SNTG1: variants seen among roughly 807,000 people sequenced by gnomAD.
SNTG1 encodes gamma-1-syntrophin.
A neutral mutation model predicts 74.7 loss-of-function variants in SNTG1; 39 were observed. The ratio of observed to expected loss-of-function variants is 0.52; its 90% CI spans 0.40 to 0.68. The LOEUF is 0.68. Ranked by LOEUF, SNTG1 falls within the 30% of genes least tolerant of loss-of-function variation. SNTG1 has a pLI of 0.00. For missense variants in SNTG1, 685 were observed against 609.5 expected, an observed-to-expected ratio of 1.12 and a Z score of -1.30; for synonymous variants, 254 against 217.1, an observed-to-expected ratio of 1.17 and a Z score of -1.49.
chr8:50,178,406 C>CGT (rs1563701317), intron 2 of SNTG1, among the ~76,000 whole-genome samples: 1 of 150,976 alleles, frequency 6.6e-6, no homozygotes, highest in Non-Finnish European at 1.5e-5. Flanking sequence ...CACACGTGCG[C>CGT]GCGCACACAC....
chr8:50,038,805 G>A (rs1039225178), intron 1 of SNTG1, among the ~76,000 whole-genome samples: 1 of 152,080 alleles, frequency 6.6e-6, no homozygotes, highest in African/African-American at 2.4e-5. Context: ...TCTTATAATA[G>A]TGAATGACAT....
intron 12 of SNTG1, among the ~76,000 whole-genome samples, chr8:50,570,560 AT>A (rs1193252291): frequency 1.5e-5 from 2 of 130,454 alleles, no homozygotes; most frequent in African/African-American, 5.8e-5. Context: ...GTCCAGCCTT[AT>A]TTTTTATTAT....
intron 2 of SNTG1, among the ~76,000 whole-genome samples, chr8:50,356,789 G>T (rs1295139044): frequency 6.6e-6 from 1 of 152,072 alleles, no homozygotes; most frequent in Non-Finnish European, 1.5e-5. Flanking sequence ...ATTTCAGAGG[G>T]TACCCATTCA....
At chr8:50,075,185 A>G (rs203935) in intron 1 of SNTG1, among the ~76,000 whole-genome samples, 94,578 of 152,108 alleles carry the variant, frequency 0.62, 29,741 homozygotes, top group East Asian at 0.84. Flanking sequence ...AGCCTCCCCA[A>G]TGGGAGCTGT....
chr8:50,077,949 G>T (rs1359510979), intron 1 of SNTG1, among the ~76,000 whole-genome samples: 1 of 152,056 alleles, frequency 6.6e-6, no homozygotes, highest in Non-Finnish European at 1.5e-5. Flanking sequence ...GCCTAAATGT[G>T]TGATGTGTGT....
At chr8:50,750,085 T>C (rs1417487987) in intron 17 of SNTG1, among the ~76,000 whole-genome samples, 2 of 152,038 alleles carry the variant, frequency 1.3e-5, no homozygotes, top group Admixed American at 1.3e-4. Flanking sequence ...ATATGATTCA[T>C]GGGAGGAGGT....
intron 2 of SNTG1, among the ~76,000 whole-genome samples, chr8:50,256,262 T>C (rs2086876855): frequency 6.6e-6 from 1 of 152,066 alleles, no homozygotes; most frequent in Non-Finnish European, 1.5e-5. Context: ...TAAAAGTGTA[T>C]ACCACATAGC....
intron 9 of SNTG1, among the ~76,000 whole-genome samples, chr8:50,503,376 C>T (rs1398353948): frequency 6.6e-6 from 1 of 152,098 alleles, no homozygotes; most frequent in Non-Finnish European, 1.5e-5. Context: ...TGTATATTAT[C>T]TAATGCTTTT....
rs563668957 is a variant in SNTG1 at position 50,353,623 on chromosome 8, C to A, written c.-27-40589C>A. 9.9e-5 allele frequency among the ~76,000 whole-genome samples: 15 copies of A among 152,246 alleles called. No individual in the cohort carries two copies. The South Asian group carries it at 2.7e-3, about 27-fold the overall frequency. ...TTTGCTCCATACAATTCATAAGTCACATACGTAATGAGCATTTATTTGAGC... is the reference window on the plus strand; with the variant it reads ...TTTGCTCCATACAATTCATAAGTCAAATACGTAATGAGCATTTATTTGAGC... On this transcript the variant is annotated intron_variant, in intron 2 of 18. Coordinates refer to ENST00000642720, the MANE Select transcript of SNTG1 (RefSeq NM_018967.5).
At chr8:50,557,986 G>A (rs1337114288) in intron 12 of SNTG1, among the ~76,000 whole-genome samples, 1 of 152,090 alleles carries the variant, frequency 6.6e-6, no homozygotes, top group Non-Finnish European at 1.5e-5. Context: ...TCACTCCTAA[G>A]TGGGAGTTCC....
chr8:50,002,243 C>T (rs1445533454), intron 1 of SNTG1, among the ~76,000 whole-genome samples: 1 of 152,154 alleles, frequency 6.6e-6, no homozygotes, highest in Non-Finnish European at 1.5e-5. Context: ...TCTTCAGATA[C>T]AGGACCTCGT....
intron 12 of SNTG1, among the ~76,000 whole-genome samples, chr8:50,573,329 T>G (rs2094559171): frequency 6.6e-6 from 1 of 152,058 alleles, no homozygotes; most frequent in African/African-American, 2.4e-5. Context: ...AAAACAAATG[T>G]GCACTTCTGT....
Position 49,987,434 on chromosome 8 carries a change from T to C in SNTG1, c.-103+75203T>C, listed in dbSNP as rs187821345. 7.2e-5 allele frequency among the ~76,000 whole-genome samples: 11 copies of C among 152,226 alleles called. No individual in the cohort carries two copies. The East Asian group carries it at 2.1e-3, about 29-fold the overall frequency. Reference sequence around the variant, plus strand: ...GGATAAGATACACCTAAAAAGAGTCTTCTTGGGGTCACAACAACCTCAAAA... The same window carrying C: ...GGATAAGATACACCTAAAAAGAGTCCTCTTGGGGTCACAACAACCTCAAAA... On this transcript the variant is annotated intron_variant, in intron 1 of 18. Coordinates refer to ENST00000642720, the MANE Select transcript of SNTG1 (RefSeq NM_018967.5).
At chr8:50,393,543 G>A (rs955791038) in intron 2 of SNTG1, among the ~76,000 whole-genome samples, 13 of 152,158 alleles carry the variant, frequency 8.5e-5, no homozygotes, top group Non-Finnish European at 1.6e-4. Flanking sequence ...GGTGTATCAC[G>A]TAATGAAAAC....
chr8:50,260,740 G>A (rs2087146296), intron 2 of SNTG1, among the ~76,000 whole-genome samples: 1 of 77,472 alleles, frequency 1.3e-5, no homozygotes, highest in African/African-American at 3.4e-5. Context: ...TAGAGAAATA[G>A]CAATTCTAAA....
chr8:50,317,091 C>T (rs1442941098), intron 2 of SNTG1, among the ~76,000 whole-genome samples: 1 of 152,108 alleles, frequency 6.6e-6, no homozygotes, highest in Non-Finnish European at 1.5e-5. Flanking sequence ...ATTGGAGGTG[C>T]TTTTGATAAA....
chr8:50,309,231 C>A (rs1371182989), intron 2 of SNTG1, among the ~76,000 whole-genome samples: 1 of 152,028 alleles, frequency 6.6e-6, no homozygotes, highest in Non-Finnish European at 1.5e-5. Flanking sequence ...CTTTCGAAAT[C>A]TGTGTATCAT....
At chr8:50,674,440 G>A (rs1407588796) in intron 15 of SNTG1, among the ~76,000 whole-genome samples, 6 of 151,806 alleles carry the variant, frequency 4.0e-5, no homozygotes, top group Admixed American at 3.9e-4. Context: ...TATTTTTCTA[G>A]ATTTTCTAGT....
At chr8:50,264,397 G>C (rs900013006) in intron 2 of SNTG1, among the ~76,000 whole-genome samples, 2 of 151,588 alleles carry the variant, frequency 1.3e-5, no homozygotes, top group African/African-American at 2.4e-5. Context: ...GTGAAACCCC[G>C]TCTCTAATAA....
Sources: allele counts gnomAD v4.1 joint callset (sites outside exome capture counted in the v4.1 genomes callset), GRCh38; gene constraint gnomAD v4.1.1; transcripts MANE v1.5; gene names NCBI Gene and HGNC (gene_info 2026-07-23, HGNC 2026-07-21).